Variants in STK3 observed in about 807,000 individuals in gnomAD.
STK3 encodes the protein serine/threonine-protein kinase 3.
A neutral mutation model predicts 58.0 loss-of-function variants in STK3; 41 were observed. The ratio of observed to expected loss-of-function variants is 0.71; its 90% CI spans 0.55 to 0.92. The LOEUF is 0.92. STK3 is among the 40% of genes least tolerant of loss of function. The pLI is 0.00. For missense variants in STK3, 479 were observed against 602.7 expected (o/e 0.79, Z 2.15); for synonymous variants, 170 against 191.0 (o/e 0.89, Z 0.91).
chr8:98,772,791 T>C (rs1202078282), intron 2 of STK3, among the ~76,000 whole-genome samples: 1 of 152,182 alleles, frequency 6.6e-6, no homozygotes, highest in Non-Finnish European at 1.5e-5. Flanking sequence ...CTGCTCCCCC[T>C]TTGCCTTCTT....
chr8:98,860,939 A>G (rs1836911823), intron 3 of STK3, among the ~76,000 whole-genome samples: 1 of 152,156 alleles, frequency 6.6e-6, no homozygotes, highest in South Asian at 2.1e-4. Flanking sequence ...GCATGCTTGT[A>G]GTCCTGGCTA....
chr8:98,921,092 A>G (rs1216301094), intron 1 of STK3: 2 of 152,216 alleles, frequency 1.3e-5, no homozygotes, highest in Non-Finnish European at 2.9e-5. Flanking sequence ...ATTTAGGGTG[A>G]AATCCTGGTG....
At chr8:98,828,462 A>C (rs1161202475), upstream of STK3, among the ~76,000 whole-genome samples, 2 of 150,788 alleles carry the variant, frequency 1.3e-5, no homozygotes, top group Admixed American at 6.6e-5. Flanking sequence ...AAAAAAAAAA[A>C]AAACAAAAGA....
chr8:98,380,586 T>C (rs1337247691), intron 1 of STK3, among the ~76,000 whole-genome samples: 7 of 152,196 alleles, frequency 4.6e-5, no homozygotes, highest in Admixed American at 4.6e-4. Context: ...AACTTTGTAT[T>C]CAAGTTGGCC....
rs186848983 is a variant in STK3, at chr8:98,814,278, T to C, written c.26+11237A>G. 8.7e-3 allele frequency among the ~76,000 whole-genome samples: 1,316 copies of C among 152,016 alleles called. 12 individuals are homozygous for C. The highest frequency in any genetic ancestry group is 0.03 in the African/African-American group (1,239 of 41,436). ...GTTGGTCAGGCTGGTCTCGAACTCC[T>C]GACCTCAGGTGATCCACCTGCCTCA... On this transcript the variant is annotated intron_variant, in intron 1 of 10. Transcript: ENST00000419617.
At chr8:98,757,523 A>G (rs1170722066) in intron 3 of STK3, among the ~76,000 whole-genome samples, 1 of 145,800 alleles carries the variant, frequency 6.9e-6, no homozygotes, top group Non-Finnish European at 1.5e-5. Context: ...TGAACCCGGG[A>G]GGCAGAGGTT....
intron 10 of STK3, among the ~76,000 whole-genome samples, chr8:98,477,288 A>C (rs1159016444): frequency 6.6e-6 from 1 of 152,148 alleles, no homozygotes; most frequent in African/African-American, 2.4e-5. Context: ...CTTGCCATGT[A>C]AAATTCATAA....
At position 98,428,804 on chromosome 8, in the gene STK3, G is replaced by A. The variant is rs771686713; in HGVS notation, n.483+5323C>T. On this transcript the variant is annotated intron_variant and non_coding_transcript_variant, in intron 3 of 3. Coordinates refer to the STK3 transcript ENST00000517832. The surrounding 1 kb of genome is among the most constrained non-coding windows in gnomAD (Gnocchi z 6.7). The stretch of plus-strand genomic sequence containing the variant: ...CCATCGTCCCCTTTTACATCACTCT[G>A]GTGGTGAACCTGGTGGTGGAGAGCA... The A allele has an allele frequency of 2.5e-6, 4 of 1,614,070 alleles. No individual in the cohort carries two copies. The highest frequency in any genetic ancestry group is 1.1e-5 in the South Asian group (1 of 91,076).
chr8:98,727,656 C>G (rs933440652), intron 4 of STK3, among the ~76,000 whole-genome samples: 3 of 152,170 alleles, frequency 2.0e-5, no homozygotes, highest in Non-Finnish European at 2.9e-5. Flanking sequence ...CTATTTTCTA[C>G]TTTCTGGCCC....
At chr8:98,796,971 G>A (rs1180134309) in intron 1 of STK3, among the ~76,000 whole-genome samples, 2 of 152,138 alleles carry the variant, frequency 1.3e-5, no homozygotes, top group African/African-American at 4.8e-5. Context: ...GACTGATAGT[G>A]AGCACTGGCT....
At chr8:98,595,593 T>C (rs9969515) in intron 7 of STK3, 1 of 152,354 alleles carries the variant, frequency 6.6e-6, no homozygotes, top group African/African-American at 2.4e-5. Flanking sequence ...GGATACAAAG[T>C]CTACTTACAA....
At chr8:98,516,794 C>T (rs186703112) in intron 10 of STK3, among the ~76,000 whole-genome samples, 59 of 152,046 alleles carry the variant, frequency 3.9e-4, no homozygotes, top group African/African-American at 1.2e-3. Flanking sequence ...ATCCAGAACT[C>T]GCTAGTCGTT....
chr8:98,473,459 G>A (rs778753014), intron 10 of STK3, among the ~76,000 whole-genome samples: 5 of 151,698 alleles, frequency 3.3e-5, no homozygotes, highest in African/African-American at 7.3e-5. Context: ...CTTGACTCAC[G>A]GCCATTCCTC....
chr8:98,835,032 A>G (rs529502307), intron 3 of STK3, among the ~76,000 whole-genome samples: 34 of 152,340 alleles, frequency 2.2e-4, no homozygotes, highest in Non-Finnish European at 3.5e-4. Flanking sequence ...GTTCAGGAAC[A>G]TAAAGATAGT....
intron 8 of STK3, among the ~76,000 whole-genome samples, chr8:98,561,809 A>G (rs767689452): frequency 2.0e-5 from 3 of 152,214 alleles, no homozygotes; most frequent in Non-Finnish European, 4.4e-5. Context: ...AACTCTTAAA[A>G]ATTCACAATA....
At chr8:98,557,564 A>C (rs79023150) in intron 8 of STK3, among the ~76,000 whole-genome samples, 9,869 of 152,198 alleles carry the variant, frequency 0.065, 441 homozygotes, top group Non-Finnish European at 0.1. Flanking sequence ...CATCAAAAAT[A>C]GTCTCTTTCA....
At chr8:98,879,059 C>G (rs1007030153), downstream of STK3, 2 of 151,930 alleles carry the variant, frequency 1.3e-5, no homozygotes, top group African/African-American at 4.8e-5. Flanking sequence ...CCACCGCGCC[C>G]GGCCATAAAT....
At chr8:98,453,440 T>A (rs1373076277), downstream of STK3, among the ~76,000 whole-genome samples, 1 of 152,168 alleles carries the variant, frequency 6.6e-6, no homozygotes, top group Non-Finnish European at 1.5e-5. Context: ...TTCCTTTGAC[T>A]GGTAGGGGCA....
At chr8:98,427,945 G>T in intron 3 of STK3, 3 of 1,458,442 alleles carry the variant, frequency 2.1e-6, no homozygotes, top group South Asian at 1.4e-5. Flanking sequence ...CAGGTGTAGC[G>T]CCCCCGCGCG....
Sources: allele counts gnomAD v4.1 joint callset (sites outside exome capture counted in the v4.1 genomes callset), GRCh38; gene constraint gnomAD v4.1.1; non-coding constraint Gnocchi (gnomAD v3.1); transcripts MANE v1.5; gene names NCBI Gene and HGNC (gene_info 2026-07-23, HGNC 2026-07-21).